TAFA2: variants seen among roughly 807,000 people sequenced by gnomAD.
TAFA2 encodes the protein chemokine-like protein TAFA-2.
A neutral mutation model predicts 18.8 loss-of-function variants in TAFA2; 7 were observed. That is an observed-to-expected ratio of 0.37 (90% confidence interval 0.21 to 0.70). TAFA2 has a LOEUF of 0.70. TAFA2 is among the 30% of genes least tolerant of loss of function. TAFA2 has a pLI of 0.53. For synonymous variants in TAFA2, 60 were observed against 54.2 expected, an observed-to-expected ratio of 1.11 and a Z score of -0.47; for missense variants, 122 against 158.1, an observed-to-expected ratio of 0.77 and a Z score of 1.23.
At chr12:62,243,514 C>T (rs938431072) in intron 1 of TAFA2, among the ~76,000 whole-genome samples, 4 of 152,192 alleles carry the variant, frequency 2.6e-5, no homozygotes, top group African/African-American at 9.6e-5. Flanking sequence ...CACTTATGGA[C>T]TGATTTTCTG....
At chr12:62,107,151 C>T (rs1869496196) in intron 1 of TAFA2, among the ~76,000 whole-genome samples, 1 of 152,182 alleles carries the variant, frequency 6.6e-6, no homozygotes, top group African/African-American at 2.4e-5. Flanking sequence ...TCATTCTCTA[C>T]TTCAGACAAA....
At chr12:61,863,173 G>T (rs147718987) in intron 2 of TAFA2, among the ~76,000 whole-genome samples, 2 of 152,186 alleles carry the variant, frequency 1.3e-5, no homozygotes, top group Admixed American at 6.5e-5. Context: ...TACAGCTGTT[G>T]CCTGATCATC....
chr12:61,917,630 G>A (rs1450236253), intron 1 of TAFA2, among the ~76,000 whole-genome samples: 1 of 152,116 alleles, frequency 6.6e-6, no homozygotes, highest in Non-Finnish European at 1.5e-5. Context: ...GGAAGGAGTT[G>A]GTGGCTATTT....
chr12:62,100,961 T>C (rs1869174111), intron 1 of TAFA2, among the ~76,000 whole-genome samples: 1 of 152,196 alleles, frequency 6.6e-6, no homozygotes, highest in African/African-American at 2.4e-5. Context: ...ATCACTGTGT[T>C]ATACTGCACC....
chr12:61,919,340 C>T (rs1033192214), intron 1 of TAFA2, among the ~76,000 whole-genome samples: 1 of 152,158 alleles, frequency 6.6e-6, no homozygotes, highest in African/African-American at 2.4e-5. Context: ...ATTCTCACTG[C>T]CATTTCTCTT....
chr12:61,857,631 A>G (rs1260262173), intron 2 of TAFA2, among the ~76,000 whole-genome samples: 1 of 152,204 alleles, frequency 6.6e-6, no homozygotes, highest in Non-Finnish European at 1.5e-5. Flanking sequence ...ACCTTTTCTC[A>G]GGGATTCCCA....
At chr12:61,903,239 C>T (rs984758486) in intron 1 of TAFA2, among the ~76,000 whole-genome samples, 1 of 151,988 alleles carries the variant, frequency 6.6e-6, no homozygotes, top group African/African-American at 2.4e-5. Context: ...TACTAGGGAT[C>T]TGGCCTCATT....
intron 1 of TAFA2, among the ~76,000 whole-genome samples, chr12:62,157,633 G>A (rs927412322): frequency 3.3e-5 from 5 of 152,152 alleles, no homozygotes; most frequent in South Asian, 4.2e-4. Context: ...CTTGCTGTCC[G>A]CTCCTCAGTT....
chr12:62,233,077 T>C (rs2062820033), intron 1 of TAFA2, among the ~76,000 whole-genome samples: 1 of 119,374 alleles, frequency 8.4e-6, no homozygotes, highest in Non-Finnish European at 1.7e-5. Context: ...TTTTTTTTTT[T>C]TTTTTTTTTT....
chr12:61,741,812 G>A (rs535657151), intron 4 of TAFA2, among the ~76,000 whole-genome samples: 6 of 152,240 alleles, frequency 3.9e-5, no homozygotes, highest in African/African-American at 1.4e-4. Flanking sequence ...CCCACATAGA[G>A]TACATTCGAT....
Position 61,901,402 on chromosome 12 carries a change from T to TTCTA in TAFA2, c.-1-33977_-1-33976insTAGA, listed in dbSNP as rs1261434723. On this transcript the variant is annotated intron_variant, in intron 1 of 4. Coordinates refer to ENST00000416284, the MANE Select transcript of TAFA2 (RefSeq NM_178539.5). The stretch of plus-strand genomic sequence containing the variant: ...CTAATGTGTCATCTAGCATTAGGTA[T>TTCTA]ATCTCCCAATGCTATCCCTCCCCCC... Among the ~76,000 whole-genome samples the TTCTA allele has an allele frequency of 0.017, 94 of 5,688 alleles. 38 individuals carry two copies. The East Asian group carries it at 0.2, about 12-fold the overall frequency. 3.7% of individuals were successfully genotyped at this position (5,688 alleles called of 152,430 possible).
At chr12:61,986,918 A>C (rs545707466) in intron 1 of TAFA2, among the ~76,000 whole-genome samples, 32 of 152,338 alleles carry the variant, frequency 2.1e-4, no homozygotes, top group Non-Finnish European at 3.7e-4. Context: ...CGAGGCTCAC[A>C]TTCTTCAGTG....
At chr12:61,739,166 A>T (rs1391300169) in intron 4 of TAFA2, among the ~76,000 whole-genome samples, 1 of 152,092 alleles carries the variant, frequency 6.6e-6, no homozygotes, top group South Asian at 2.1e-4. Context: ...CAAGACCACC[A>T]GCTAATACAT....
chr12:62,088,074 T>C (rs1260432501), intron 1 of TAFA2, among the ~76,000 whole-genome samples: 1 of 152,080 alleles, frequency 6.6e-6, no homozygotes, highest in Non-Finnish European at 1.5e-5. Flanking sequence ...ATGGTTGCCC[T>C]AGCTATGAAG....
At chr12:61,985,847 G>C (rs1399592568) in intron 1 of TAFA2, among the ~76,000 whole-genome samples, 2 of 152,154 alleles carry the variant, frequency 1.3e-5, no homozygotes, top group African/African-American at 4.8e-5. Flanking sequence ...ATGATTTTCT[G>C]ATTGCTATAT....
At chr12:61,907,547 C>T (rs768291918) in intron 1 of TAFA2, among the ~76,000 whole-genome samples, 2 of 152,144 alleles carry the variant, frequency 1.3e-5, no homozygotes, top group African/African-American at 4.8e-5. Flanking sequence ...GGGGTGGGGC[C>T]CTCATGGAGA....
intron 2 of TAFA2, among the ~76,000 whole-genome samples, chr12:61,780,327 T>A (rs775198351): frequency 6.6e-6 from 1 of 151,620 alleles, no homozygotes; most frequent in Non-Finnish European, 1.5e-5. Flanking sequence ...TTTAGCAGAG[T>A]AGACAGCATG....
At chr12:61,941,522 T>A (rs576230801) in intron 1 of TAFA2, among the ~76,000 whole-genome samples, 2 of 152,334 alleles carry the variant, frequency 1.3e-5, no homozygotes, top group Non-Finnish European at 2.9e-5. Context: ...GGGTGATTTC[T>A]GCATTTCCAT....
chr12:61,885,746 C>T (rs1875346650), intron 1 of TAFA2, among the ~76,000 whole-genome samples: 1 of 152,164 alleles, frequency 6.6e-6, no homozygotes, highest in Non-Finnish European at 1.5e-5. Context: ...AAGTTCTCTG[C>T]TATTAGAACT....
Sources: gnomAD v4.1 joint callset for allele counts (sites outside exome capture counted in the v4.1 genomes callset) on GRCh38, gnomAD v4.1.1 for gene constraint, MANE v1.5 for transcripts, NCBI Gene and HGNC (gene_info 2026-07-23, HGNC 2026-07-21) for gene names.